CDK5RAP2: variants seen among roughly 807,000 people sequenced by gnomAD.
The protein encoded by CDK5RAP2 is CDK5 regulatory subunit associated protein 2.
A neutral mutation model predicts 232.9 loss-of-function variants in CDK5RAP2; 147 were observed. That is an observed-to-expected ratio of 0.63 (90% CI 0.55 to 0.72). CDK5RAP2 has a LOEUF of 0.72. Among genes scored for constraint, CDK5RAP2 ranks in the 30% least tolerant of loss-of-function variants. The probability of loss-of-function intolerance (pLI) is 0.00; values close to 1 mark genes in which losing one functional copy is unlikely to be tolerated. For synonymous variants in CDK5RAP2, 833 were observed against 833.7 expected (o/e 1.00, Z 0.01); for missense variants, 2,195 against 2,231.5 (o/e 0.98, Z 0.33).
rs1341439454 is a variant in CDK5RAP2, at chr9:120,491,400, A to G, written c.1389T>C (p.Ser463=). ...REKAMENRYK[S]LLSESNKKLH... Reference sequence around the variant, plus strand: ...ATTTTTTATTGCTTTCACTCAGAAGACTCTTGTAACGATTTTCCATTGCTT... The same window carrying G: ...ATTTTTTATTGCTTTCACTCAGAAGGCTCTTGTAACGATTTTCCATTGCTT... The change falls in exon 13 of 38, where the codon AGT becomes AGC. Residue 463 remains serine (S), a synonymous_variant. Transcript: ENST00000349780. 6.2e-7 allele frequency: 1 copy of G among 1,611,934 alleles called. No homozygotes were observed.
At chr9:120,405,932 A>C (rs2033403330) in intron 32 of CDK5RAP2, among the ~76,000 whole-genome samples, 1 of 152,260 alleles carries the variant, frequency 6.6e-6, no homozygotes, top group African/African-American at 2.4e-5. Flanking sequence ...AATTTGAAAA[A>C]TATAAATTCA....
chr9:120,470,829 A>G lies in CDK5RAP2; in HGVS notation c.1859-609T>C, dbSNP rs78588168. Among the ~76,000 whole-genome samples the G allele has an allele frequency of 2.5e-4, 38 of 152,178 alleles. No homozygotes were observed. In the East Asian group the frequency reaches 6.9e-3, roughly 28 times the overall value. On this transcript the variant is annotated intron_variant, in intron 16 of 37. Transcript: ENST00000349780. Reference sequence around the variant, plus strand: ...TGGGGGGCGGGGGGAAGATGTGTGTATATGTGTACTCAGCAAGGCATATCC... The same window carrying G: ...TGGGGGGCGGGGGGAAGATGTGTGTGTATGTGTACTCAGCAAGGCATATCC...
intron 2 of CDK5RAP2, chr9:120,571,749 T>C: frequency 1.1e-5 from 6 of 554,134 alleles, no homozygotes; most frequent in South Asian, 1.9e-5. Context: ...TAGCAACAAA[T>C]GAAACTCATG....
At chr9:120,527,693 T>C (rs1202069412) in intron 10 of CDK5RAP2, 113 bp downstream of exon 10, 17 of 1,209,212 alleles carry the variant, frequency 1.4e-5, no homozygotes, top group Non-Finnish European at 1.7e-5. Flanking sequence ...CCACTTTCTA[T>C]ACTACCTCAG....
At chr9:120,442,441 T>A (rs1449752855) in intron 23 of CDK5RAP2, among the ~76,000 whole-genome samples, 1 of 152,182 alleles carries the variant, frequency 6.6e-6, no homozygotes. Context: ...AATGAAGATG[T>A]CACACGCAGC....
Position 120,579,996 on chromosome 9 carries a change from CAGCGTT to C in CDK5RAP2, c.-24_-19del, listed in dbSNP as rs2043185441. 6.3e-7 allele frequency: 1 copy of C among 1,586,608 alleles called. No homozygotes were observed. Among genetic ancestry groups the C allele is most frequent in the Non-Finnish European group, 8.7e-7 (1 of 1,155,710 alleles). ...TCCATCATGGCTACAGAGGTGGCGA[CAGCGTT>C]GGTGTCTGTGGCGGCGGCGCCACTA... On this transcript the variant is annotated 5_prime_UTR_variant, in exon 1 of 38. Coordinates refer to ENST00000349780, the MANE Select transcript of CDK5RAP2 (RefSeq NM_018249.6).
intron 12 of CDK5RAP2, among the ~76,000 whole-genome samples, chr9:120,496,829 G>A (rs1423996236): frequency 1.4e-5 from 2 of 141,038 alleles, no homozygotes; most frequent in South Asian, 4.4e-4. Context: ...CCGTCCGGGA[G>A]GTGAGGGGCG....
chr9:120,389,691 C>G, intron 37 of CDK5RAP2, 50 bp downstream of exon 37: 1 of 1,565,888 alleles, frequency 6.4e-7, no homozygotes. Flanking sequence ...TGGCCCTGCA[C>G]TCCTCCTGAC....
chr9:120,525,766 G>A (rs900156179), intron 10 of CDK5RAP2, among the ~76,000 whole-genome samples: 3 of 152,040 alleles, frequency 2.0e-5, no homozygotes, highest in Admixed American at 6.6e-5. Flanking sequence ...ACAGGCGCAC[G>A]CCACCATATC....
At chr9:120,544,581 G>A (rs1255139022) in intron 5 of CDK5RAP2, among the ~76,000 whole-genome samples, 1 of 152,236 alleles carries the variant, frequency 6.6e-6, no homozygotes, top group East Asian at 1.9e-4. Flanking sequence ...TACTGGCCTG[G>A]CCCAGAGCAG....
chr9:120,481,831 C>T (rs10984928), intron 14 of CDK5RAP2, among the ~76,000 whole-genome samples: 25 of 152,146 alleles, frequency 1.6e-4, no homozygotes, highest in Non-Finnish European at 3.2e-4. Context: ...AATATTCTTA[C>T]CTCTAAGTAG....
At chr9:120,393,439 CT>C (rs1273287669) in intron 36 of CDK5RAP2, among the ~76,000 whole-genome samples, 3 of 152,246 alleles carry the variant, frequency 2.0e-5, no homozygotes, top group Non-Finnish European at 4.4e-5. Flanking sequence ...AGAACTCCTA[CT>C]TGGCAATAAT....
chr9:120,442,557 T>C (rs182634296), intron 23 of CDK5RAP2, among the ~76,000 whole-genome samples: 2 of 152,290 alleles, frequency 1.3e-5, no homozygotes, highest in East Asian at 1.9e-4. Flanking sequence ...CATTCAGTAA[T>C]GAAGGGAAGT....
rs564438430 is a variant in CDK5RAP2, at chr9:120,431,494, T to C, written c.3955+5801A>G. Reference sequence around the variant, plus strand: ...TTCCTCTTAGGCTGAGAACAATGCCTGGCATATTGCAAGCACCCAATAAAG... The same window carrying C: ...TTCCTCTTAGGCTGAGAACAATGCCCGGCATATTGCAAGCACCCAATAAAG... On this transcript the variant is annotated intron_variant, in intron 25 of 37. Coordinates refer to ENST00000349780, the MANE Select transcript of CDK5RAP2 (RefSeq NM_018249.6). Among the ~76,000 whole-genome samples, 40 of 152,336 alleles carry C rather than the reference T, an allele frequency of 2.6e-4. 1 individual carries two copies. The highest frequency in any genetic ancestry group is 8.9e-4 in the African/African-American group (37 of 41,584).
intron 35 of CDK5RAP2, among the ~76,000 whole-genome samples, chr9:120,398,005 G>A (rs1208985163): frequency 3.3e-5 from 5 of 152,120 alleles, no homozygotes; most frequent in Non-Finnish European, 7.3e-5. Context: ...GATGAAATAC[G>A]TTCTAGGCTC....
chr9:120,538,991 T>A (rs773875184), intron 6 of CDK5RAP2, 50 bp downstream of exon 6: 3 of 1,597,956 alleles, frequency 1.9e-6, no homozygotes, highest in Non-Finnish European at 2.6e-6. Flanking sequence ...TGCCAGCCTA[T>A]TATTAACCCA....
chr9:120,470,023 G>C (rs1312989181), intron 17 of CDK5RAP2, 88 bp downstream of exon 17: 4 of 721,302 alleles, frequency 5.5e-6, no homozygotes, highest in Non-Finnish European at 9.9e-6. Context: ...GAGGCCTTCA[G>C]AATCTTAACC....
intron 11 of CDK5RAP2, among the ~76,000 whole-genome samples, chr9:120,523,735 T>G (rs2040773828): frequency 6.6e-6 from 1 of 152,246 alleles, no homozygotes; most frequent in South Asian, 2.1e-4. Flanking sequence ...CAGTATGGAC[T>G]TACTTTGATG....
chr9:120,580,070 G>GCCCCCTCCA lies in CDK5RAP2; in HGVS notation c.-101_-93dup. On this transcript the variant is annotated 5_prime_UTR_variant, in exon 1 of 38. Coordinates refer to ENST00000349780, the MANE Select transcript of CDK5RAP2 (RefSeq NM_018249.6). ...GACCCGCCGGGCTCCCCAGGTCCCC[G>GCCCCCTCCA]CCCCCTCCACCCCAGCTCTTGTTCA... 1.3e-6 allele frequency: 1 copy of GCCCCCTCCA among 766,828 alleles called. No homozygotes were observed. The highest frequency in any genetic ancestry group is 2.3e-6 in the Non-Finnish European group (1 of 438,322). 47.5% of individuals were successfully genotyped at this position (766,828 alleles called of 1,614,324 possible).
Sources: gnomAD v4.1 joint callset for allele counts (sites outside exome capture counted in the v4.1 genomes callset) on GRCh38, gnomAD v4.1.1 for gene constraint, MANE v1.5 for transcripts, NCBI Gene and HGNC (gene_info 2026-07-23, HGNC 2026-07-21) for gene names.